The following PRKN variants were observed in gnomAD, a reference collection of about 807,000 sequenced individuals.
PRKN encodes the protein E3 ubiquitin-protein ligase parkin.
PRKN carries 56 observed loss-of-function variants against 59.5 expected under a neutral mutation model. The ratio of observed to expected loss-of-function variants is 0.94; its 90% CI spans 0.76 to 1.18. The LOEUF is 1.18. PRKN is among the 50% of genes most tolerant of loss of function. The pLI, the probability that PRKN is intolerant of heterozygous loss-of-function variation, is 0.00. For synonymous variants in PRKN, 250 were observed against 222.1 expected (o/e 1.13, Z -1.12); for missense variants, 657 against 596.4 (o/e 1.10, Z -1.06).
intron 1 of PRKN, among the ~76,000 whole-genome samples, chr6:162,471,248 C>A (rs1791725379): frequency 6.6e-6 from 1 of 151,856 alleles, no homozygotes; most frequent in African/African-American, 2.4e-5. Context: ...CAGTCACCTG[C>A]CACCGCTCCC....
intron 1 of PRKN, among the ~76,000 whole-genome samples, chr6:162,481,853 C>T (rs548819966): frequency 2.6e-5 from 4 of 152,224 alleles, no homozygotes; most frequent in African/African-American, 7.2e-5. Context: ...TATGGGCCAA[C>T]ATAAGCTTTT....
chr6:161,555,395 G>C (rs1256056255), intron 8 of PRKN, among the ~76,000 whole-genome samples: 1 of 149,214 alleles, frequency 6.7e-6, no homozygotes, highest in Non-Finnish European at 1.5e-5. Context: ...TTTTCTGTTA[G>C]AGTTTTACCT....
At chr6:161,798,871 G>A (rs1441508089) in intron 6 of PRKN, among the ~76,000 whole-genome samples, 1 of 152,118 alleles carries the variant, frequency 6.6e-6, no homozygotes, top group East Asian at 1.9e-4. Context: ...GGGTCAGCCT[G>A]GGCCTCCCTG....
intron 2 of PRKN, among the ~76,000 whole-genome samples, chr6:162,277,816 A>G (rs1306323549): frequency 3.3e-5 from 5 of 152,220 alleles, no homozygotes; most frequent in Non-Finnish European, 5.9e-5. Context: ...ACTCTCGTTC[A>G]TTGCTACTGG....
intron 3 of PRKN, among the ~76,000 whole-genome samples, chr6:162,212,764 C>T (rs529267698): frequency 2.0e-5 from 3 of 152,294 alleles, no homozygotes; most frequent in African/African-American, 7.2e-5. Context: ...CACAGCTGGG[C>T]CCTATGGTAC....
chr6:162,214,013 A>G (rs6921002), intron 3 of PRKN, among the ~76,000 whole-genome samples: 6,163 of 152,006 alleles, frequency 0.041, 372 homozygotes, highest in African/African-American at 0.13. Context: ...TGCACCCTAG[A>G]TCAAAAGGTG....
At chr6:161,875,956 G>A (rs1794718070) in intron 6 of PRKN, among the ~76,000 whole-genome samples, 1 of 152,078 alleles carries the variant, frequency 6.6e-6, no homozygotes, top group African/African-American at 2.4e-5. Flanking sequence ...TGTAGGACCT[G>A]AGACTTACAT....
chr6:161,350,591 AT>A (rs1329365628), intron 11 of PRKN, among the ~76,000 whole-genome samples: 4 of 132,886 alleles, frequency 3.0e-5, no homozygotes, highest in South Asian at 4.4e-4. Context: ...ATATAAATAT[AT>A]TTTTATATAT....
chr6:161,944,756 T>C (rs185960950), intron 6 of PRKN, among the ~76,000 whole-genome samples: 1 of 152,214 alleles, frequency 6.6e-6, no homozygotes, highest in Non-Finnish European at 1.5e-5. Flanking sequence ...GAACACACTG[T>C]CACAGAATTG....
chr6:161,630,601 T>C (rs749641639), intron 7 of PRKN, among the ~76,000 whole-genome samples: 3 of 152,212 alleles, frequency 2.0e-5, no homozygotes, highest in Non-Finnish European at 2.9e-5. Flanking sequence ...GTGTTGCCAT[T>C]TACCAGAGTC....
chr6:162,477,895 C>T lies in PRKN; in HGVS notation c.8-34422G>A, dbSNP rs140115951. Among the ~76,000 whole-genome samples the T allele has an allele frequency of 6.6e-5, 10 of 152,304 alleles. No homozygotes were observed. The East Asian group carries it at 1.9e-3, about 29-fold the overall frequency. ...TGCTCTATCTCTTGCTGTTGTTTGG[C>T]AACACTAGGATCCTTTACTGTTTGT... On this transcript the variant is annotated intron_variant, in intron 1 of 11. Transcript: ENST00000366898.
rs1784689505 is a variant in PRKN at position 161,354,833 on chromosome 6, G to A, written c.1286-4622C>T. ...TCTGTTTGTAAGTTAAAAATTTGGA[G>A]GTAAAAAATTAGTGCTTTCATTTAT... On this transcript the variant is annotated intron_variant, in intron 11 of 11. Transcript: ENST00000366898. The surrounding 1 kb of genome is among the most constrained non-coding windows in gnomAD (Gnocchi z 6.7). Among the ~76,000 whole-genome samples the A allele has an allele frequency of 6.6e-6, 1 of 152,056 alleles. No individual in the cohort carries two copies. Among genetic ancestry groups the A allele is most frequent in the South Asian group, 2.1e-4 (1 of 4,828 alleles).
chr6:162,568,102 T>C (rs541771892), intron 1 of PRKN, among the ~76,000 whole-genome samples: 11 of 152,190 alleles, frequency 7.2e-5, no homozygotes, highest in African/African-American at 2.7e-4. Flanking sequence ...TCACCATATA[T>C]AAAAATCAAA....
At position 161,467,810 on chromosome 6, in the gene PRKN, C is replaced by T. The variant is rs556746637; in HGVS notation, c.1084-80933G>A. Among the ~76,000 whole-genome samples, 7 of 152,206 alleles carry T rather than the reference C, an allele frequency of 4.6e-5. No homozygotes were observed. The highest frequency in any genetic ancestry group is 9.6e-5 in the African/African-American group (4 of 41,562). ...CAGTGAGCTGTGAGTAGAGGGTTTC[C>T]TGGGGATTCCAGGGAGCTACATTCT... On this transcript the variant is annotated intron_variant, in intron 9 of 11. Coordinates refer to ENST00000366898, the MANE Select transcript of PRKN (RefSeq NM_004562.3). The surrounding 1 kb of genome is among the most constrained non-coding windows in gnomAD (Gnocchi z 4.3).
intron 3 of PRKN, among the ~76,000 whole-genome samples, chr6:162,208,507 T>TA (rs1785053531): frequency 6.6e-6 from 1 of 152,224 alleles, no homozygotes; most frequent in African/African-American, 2.4e-5. Context: ...TTTTTCTGAT[T>TA]TTTTGGTTGT....
intron 7 of PRKN, among the ~76,000 whole-genome samples, chr6:161,634,143 G>A (rs1040393652): frequency 4.6e-5 from 7 of 152,116 alleles, no homozygotes; most frequent in African/African-American, 7.2e-5. Context: ...GAGTCAGAAC[G>A]GAGAAACGGA....
intron 1 of PRKN, among the ~76,000 whole-genome samples, chr6:162,571,563 A>G (rs1780329270): frequency 6.6e-6 from 1 of 152,156 alleles, no homozygotes; most frequent in Admixed American, 6.5e-5. Flanking sequence ...GATAAAACAG[A>G]AAACTCTAGT....
At chr6:162,380,655 C>T (rs1210818928) in intron 2 of PRKN, among the ~76,000 whole-genome samples, 1 of 151,276 alleles carries the variant, frequency 6.6e-6, no homozygotes, top group African/African-American at 2.4e-5. Context: ...GATACTCATT[C>T]AGATTCTATC....
At chr6:162,522,021 G>A (rs886466853) in intron 1 of PRKN, among the ~76,000 whole-genome samples, 6 of 152,130 alleles carry the variant, frequency 3.9e-5, no homozygotes, top group African/African-American at 1.4e-4. Context: ...CTTTTTATTC[G>A]ATGTCCCCAG....
Sources: allele counts gnomAD v4.1 joint callset (sites outside exome capture counted in the v4.1 genomes callset), GRCh38; gene constraint gnomAD v4.1.1; non-coding constraint Gnocchi (gnomAD v3.1); transcripts MANE v1.5; gene names NCBI Gene and HGNC (gene_info 2026-07-23, HGNC 2026-07-21).